The following SLC24A2 variants were observed in gnomAD, a reference collection of about 807,000 sequenced individuals.
SLC24A2 encodes the protein solute carrier family 24 member 2, also known as sodium/potassium/calcium exchanger 2.
Under a neutral mutation model 62.0 loss-of-function variants are expected in SLC24A2, and 36 were observed. The observed-to-expected ratio is 0.58, with a 90% CI of 0.44 to 0.77. SLC24A2 has a LOEUF of 0.77. SLC24A2 is among the 30% of genes least tolerant of loss of function. The pLI, the probability that SLC24A2 is intolerant of heterozygous loss-of-function variation, is 0.00. For synonymous variants in SLC24A2, 358 were observed against 294.0 expected (o/e 1.22, Z -2.23); for missense variants, 846 against 817.9 (o/e 1.03, Z -0.42).
intron 7 of SLC24A2, among the ~76,000 whole-genome samples, chr9:19,569,476 A>T (rs950845946): frequency 6.6e-6 from 1 of 152,130 alleles, no homozygotes; most frequent in Non-Finnish European, 1.5e-5. Flanking sequence ...TGAAGTCCAG[A>T]CTGGTTGGCA....
At chr9:19,907,365 A>G in the SLC24A2 span, among the ~76,000 whole-genome samples, 1 of 152,204 alleles carries the variant, frequency 6.6e-6, no homozygotes, top group Non-Finnish European at 1.5e-5. Context: ...CCCACAGCCA[A>G]TGTCATACTG....
chr9:20,165,485 CAG>C, the SLC24A2 span, among the ~76,000 whole-genome samples: 1 of 151,728 alleles, frequency 6.6e-6, no homozygotes, highest in East Asian at 1.9e-4. Context: ...AGAACAGAAA[CAG>C]AGCACTCTAA....
the SLC24A2 span, among the ~76,000 whole-genome samples, chr9:19,882,186 ATAT>A: frequency 6.6e-6 from 1 of 152,274 alleles, no homozygotes; most frequent in Non-Finnish European, 1.5e-5. Flanking sequence ...CTTTCTAGAA[ATAT>A]TATACCAATA....
At chr9:19,731,515 CCGT>C in intron 2 of SLC24A2, among the ~76,000 whole-genome samples, 1 of 129,432 alleles carries the variant, frequency 7.7e-6, no homozygotes, top group African/African-American at 2.6e-5. Flanking sequence ...CTCTCTCTCT[CCGT>C]GTGTGTGTGT....
chr9:20,047,662 AT>A, the SLC24A2 span, among the ~76,000 whole-genome samples: 1 of 145,028 alleles, frequency 6.9e-6, no homozygotes, highest in Non-Finnish European at 1.5e-5. Context: ...CCGCCTTCTC[AT>A]TGTAAATGTA....
At chr9:20,027,262 AT>A in the SLC24A2 span, among the ~76,000 whole-genome samples, 1 of 152,204 alleles carries the variant, frequency 6.6e-6, no homozygotes, top group African/African-American at 2.4e-5. Context: ...AATATTAAAA[AT>A]AGAACTACCA....
chr9:19,684,465 T>G (rs1177900722), intron 2 of SLC24A2, among the ~76,000 whole-genome samples: 1 of 152,046 alleles, frequency 6.6e-6, no homozygotes, highest in Non-Finnish European at 1.5e-5. Flanking sequence ...CCTGAAGCAT[T>G]CAGGACATGT....
At chr9:19,641,528 T>TC (rs1025482109) in intron 2 of SLC24A2, among the ~76,000 whole-genome samples, 2 of 151,688 alleles carry the variant, frequency 1.3e-5, no homozygotes, top group Non-Finnish European at 2.9e-5. Context: ...TTTTTTTTTT[T>TC]TTTTGAGATG....
chr9:19,580,197 C>A (rs532426908), intron 5 of SLC24A2, among the ~76,000 whole-genome samples: 1 of 152,252 alleles, frequency 6.6e-6, no homozygotes, highest in Non-Finnish European at 1.5e-5. Context: ...TGCAACTCAA[C>A]CTCCCTCCTA....
At chr9:20,155,895 A>G in the SLC24A2 span, among the ~76,000 whole-genome samples, 5 of 151,954 alleles carry the variant, frequency 3.3e-5, no homozygotes, top group Admixed American at 6.6e-5. Flanking sequence ...ACAAATTACT[A>G]TCTGCTTTGT....
chr9:19,769,375 G>C (rs1442045459), intron 2 of SLC24A2, among the ~76,000 whole-genome samples: 1 of 152,212 alleles, frequency 6.6e-6, no homozygotes, highest in African/African-American at 2.4e-5. Flanking sequence ...TGGCACCAGT[G>C]CCTGAACATG....
chr9:20,293,592 GGCA>G, the SLC24A2 span, among the ~76,000 whole-genome samples: 456 of 152,284 alleles, frequency 3.0e-3, 2 homozygotes, highest in African/African-American at 0.011. Context: ...CAAAGGGGAT[GGCA>G]GAGCCTTCTT....
chr9:20,293,541 T>G, the SLC24A2 span, among the ~76,000 whole-genome samples: 6 of 152,152 alleles, frequency 3.9e-5, no homozygotes, highest in Admixed American at 3.9e-4. Context: ...TACCTTGAGG[T>G]ATTCCTAAGG....
the SLC24A2 span, among the ~76,000 whole-genome samples, chr9:20,161,509 C>G: frequency 6.6e-6 from 1 of 151,178 alleles, no homozygotes; most frequent in African/African-American, 2.4e-5. Flanking sequence ...TTTAATACCT[C>G]ATTAAGAAAA....
the SLC24A2 span, among the ~76,000 whole-genome samples, chr9:20,073,289 T>C: frequency 1.3e-5 from 2 of 152,182 alleles, no homozygotes. Context: ...AGAGGGTCTC[T>C]GGCTTCTTTA....
the SLC24A2 span, among the ~76,000 whole-genome samples, chr9:19,891,688 G>A: frequency 6.6e-6 from 1 of 152,198 alleles, no homozygotes; most frequent in Non-Finnish European, 1.5e-5. Flanking sequence ...CAAGGCTGCA[G>A]TGAGCTATGA....
chr9:19,576,489 A>G (rs533649062), intron 6 of SLC24A2, among the ~76,000 whole-genome samples: 2 of 152,298 alleles, frequency 1.3e-5, no homozygotes, highest in East Asian at 3.9e-4. Flanking sequence ...CATAAGCAAT[A>G]TCACAGGTAT....
At chr9:20,020,545 G>C in the SLC24A2 span, among the ~76,000 whole-genome samples, 1 of 152,088 alleles carries the variant, frequency 6.6e-6, no homozygotes, top group African/African-American at 2.4e-5. Flanking sequence ...CACAGGGAGG[G>C]GAACATCACA....
chr9:19,889,320 T>C, the SLC24A2 span, among the ~76,000 whole-genome samples: 1 of 152,306 alleles, frequency 6.6e-6, no homozygotes. Flanking sequence ...GCAAGTTTAT[T>C]ATAGGGGAAA....
Sources: gnomAD v4.1 joint callset for allele counts (sites outside exome capture counted in the v4.1 genomes callset) on GRCh38, gnomAD v4.1.1 for gene constraint, MANE v1.5 for transcripts, NCBI Gene and HGNC (gene_info 2026-07-23, HGNC 2026-07-21) for gene names.